The following SLC44A1 variants were observed in gnomAD, a reference collection of about 807,000 sequenced individuals.
SLC44A1 encodes the protein choline transporter-like protein 1.
A neutral mutation model predicts 79.3 loss-of-function variants in SLC44A1; 26 were observed. That is an observed-to-expected ratio of 0.33 (90% CI 0.24 to 0.46). The LOEUF (loss-of-function observed/expected upper bound fraction) is 0.46, where lower values mean the gene tolerates loss of function less well. SLC44A1 is among the 20% of genes least tolerant of loss of function. SLC44A1 has a pLI of 1.00. For synonymous variants in SLC44A1, 263 were observed against 286.2 expected, an observed-to-expected ratio of 0.92 and a Z score of 0.82; for missense variants, 688 against 798.1, an observed-to-expected ratio of 0.86 and a Z score of 1.66.
rs1829382221 is a variant in SLC44A1 at position 105,244,756 on chromosome 9, A to C, written c.-113A>C. 1.0e-5 allele frequency: 5 copies of C among 489,358 alleles called. No homozygotes were observed. The East Asian group carries it at 2.1e-4, about 20-fold the overall frequency. 30.3% of individuals were successfully genotyped at this position (489,358 alleles called of 1,614,324 possible). On this transcript the variant is annotated 5_prime_UTR_variant, in exon 1 of 16. Transcript: ENST00000374720. ...GCCGCTGCAGCCGCCGCCGCCGCCT[A>C]GCCGTGCGGTGCCAGGCCGCGCCCT... is the stretch of plus-strand genomic sequence containing the variant.
intron 4 of SLC44A1, among the ~76,000 whole-genome samples, chr9:105,346,453 TTGTTTTG>T (rs1237184163): frequency 6.6e-6 from 1 of 152,130 alleles, no homozygotes; most frequent in Non-Finnish European, 1.5e-5. Context: ...TTAGGGCCTT[TTGTTTTG>T]TGCAAATCGA....
At chr9:105,404,233 CAAAAAAAAAAAAAA>C (rs71489339) in intron 15 of SLC44A1, among the ~76,000 whole-genome samples, 15 of 44,452 alleles carry the variant, frequency 3.4e-4, no homozygotes, top group African/African-American at 9.2e-4. Flanking sequence ...GGACTCATCT[CAAAAAAAAAAAAAA>C]AAAAAAAAGA....
At chr9:105,266,604 A>G (rs1829967939) in intron 1 of SLC44A1, among the ~76,000 whole-genome samples, 1 of 152,174 alleles carries the variant, frequency 6.6e-6, no homozygotes, top group South Asian at 2.1e-4. Flanking sequence ...TCTTTCTCAA[A>G]TATCAACCAT....
chr9:105,282,904 C>T (rs772476826), intron 1 of SLC44A1, among the ~76,000 whole-genome samples: 7 of 152,060 alleles, frequency 4.6e-5, no homozygotes, highest in East Asian at 1.9e-4. Context: ...GGTTTTGTGA[C>T]GATATATCAT....
At chr9:105,347,599 G>A (rs1827279644) in intron 4 of SLC44A1, among the ~76,000 whole-genome samples, 1 of 151,902 alleles carries the variant, frequency 6.6e-6, no homozygotes. Context: ...AATGTATTAT[G>A]TAAATTTTAC....
At position 105,304,962 on chromosome 9, in the gene SLC44A1, T is replaced by G. The variant is rs1445706155; in HGVS notation, c.127-4762T>G. ...TTCTATCGTTTTTTTTTTTTTTTTT[T>G]TTTTTTTTTTTTTTTTTTTTTTTTC... On this transcript the variant is annotated intron_variant, in intron 2 of 15. Transcript: ENST00000374720. Among the ~76,000 whole-genome samples, 351 of 103,432 alleles carry G rather than the reference T, an allele frequency of 3.4e-3. 5 individuals carry two copies. The highest frequency in any genetic ancestry group is 0.014 in the African/African-American group (324 of 23,458). The allele number at this position is 103,432 out of a possible 152,430, so 67.9% of individuals were successfully genotyped here. A position where few individuals can be genotyped will look rare whatever the true frequency, so the allele number is the denominator to read the frequency against.
chr9:105,353,171 T>G (rs1248627511), intron 5 of SLC44A1, among the ~76,000 whole-genome samples: 5 of 152,144 alleles, frequency 3.3e-5, no homozygotes, highest in African/African-American at 9.7e-5. Flanking sequence ...AGTATCAGGT[T>G]GTTGTTTTTT....
At chr9:105,387,127 GAGGGAGGC>G (rs1428847903) in intron 15 of SLC44A1, among the ~76,000 whole-genome samples, 2 of 143,274 alleles carry the variant, frequency 1.4e-5, no homozygotes, top group African/African-American at 2.6e-5. Context: ...TTTATTTTTG[GAGGGAGGC>G]AGGGAGGCTA....
intron 15 of SLC44A1, among the ~76,000 whole-genome samples, chr9:105,432,930 A>G (rs1458287841): frequency 6.6e-6 from 1 of 152,224 alleles, no homozygotes; most frequent in African/African-American, 2.4e-5. Flanking sequence ...AGAAAAGGCA[A>G]GCCACAGACT....
At position 105,411,221 on chromosome 9, in the gene SLC44A1, A is replaced by T. The variant is rs529794432; in HGVS notation, c.1950+25719A>T. Among the ~76,000 whole-genome samples the T allele has an allele frequency of 1.5e-4, 23 of 152,332 alleles. No individual in the cohort carries two copies. The South Asian group carries it at 4.8e-3, about 32-fold the overall frequency. ...ATTTTACCAGAATAAAAATAAAGAC[A>T]TACAGAAAAGTTAGAAGAATAGTTC... On this transcript the variant is annotated intron_variant, in intron 15 of 15. Coordinates refer to the SLC44A1 transcript ENST00000374724.
chr9:105,260,006 C>G (rs1014185015), intron 1 of SLC44A1, among the ~76,000 whole-genome samples: 1 of 152,118 alleles, frequency 6.6e-6, no homozygotes, highest in African/African-American at 2.4e-5. Flanking sequence ...AAATCAGGCT[C>G]TAAGATATGA....
intron 1 of SLC44A1, among the ~76,000 whole-genome samples, chr9:105,295,545 A>C (rs904912473): frequency 8.5e-5 from 13 of 152,140 alleles, no homozygotes; most frequent in Non-Finnish European, 1.5e-4. Context: ...AAAATTTTCA[A>C]CTCTTCGGTT....
intron 15 of SLC44A1, among the ~76,000 whole-genome samples, chr9:105,402,653 C>T (rs1828972627): frequency 6.8e-6 from 1 of 146,730 alleles, no homozygotes; most frequent in Non-Finnish European, 1.5e-5. Flanking sequence ...CCCCACATAA[C>T]AAAGGCGTGT....
chr9:105,301,842 C>T (rs1830889202), intron 2 of SLC44A1, among the ~76,000 whole-genome samples: 1 of 152,136 alleles, frequency 6.6e-6, no homozygotes, highest in Admixed American at 6.6e-5. Context: ...ATCGAGTGGC[C>T]CAGCTGCCTG....
chr9:105,365,957 A>G (rs1430812210), intron 11 of SLC44A1, among the ~76,000 whole-genome samples: 2 of 151,880 alleles, frequency 1.3e-5, no homozygotes, highest in Non-Finnish European at 2.9e-5. Context: ...CTCAAATTCT[A>G]CTCCTTTGTA....
intron 1 of SLC44A1, among the ~76,000 whole-genome samples, chr9:105,285,778 G>A (rs1321675798): frequency 6.6e-6 from 1 of 152,154 alleles, no homozygotes; most frequent in African/African-American, 2.4e-5. Context: ...TTACAGTGGT[G>A]GAATGTCATC....
intron 1 of SLC44A1, among the ~76,000 whole-genome samples, chr9:105,292,758 G>T (rs542494466): frequency 1.3e-5 from 2 of 152,186 alleles, no homozygotes; most frequent in African/African-American, 4.8e-5. Flanking sequence ...TCATGCTATC[G>T]TAGTACTTGG....
intron 3 of SLC44A1, among the ~76,000 whole-genome samples, chr9:105,312,893 A>C (rs1489960927): frequency 1.3e-5 from 2 of 152,138 alleles, no homozygotes; most frequent in Non-Finnish European, 2.9e-5. Context: ...AGTTGTTTAA[A>C]ATAGGGCTCT....
chr9:105,288,342 T>C (rs1490806137), intron 1 of SLC44A1, among the ~76,000 whole-genome samples: 1 of 152,276 alleles, frequency 6.6e-6, no homozygotes, highest in African/African-American at 2.4e-5. Flanking sequence ...TTTAATGTTT[T>C]TTTTGTTTGT....
Sources: gnomAD v4.1 joint callset for allele counts (sites outside exome capture counted in the v4.1 genomes callset) on GRCh38, gnomAD v4.1.1 for gene constraint, MANE v1.5 for transcripts, NCBI Gene and HGNC (gene_info 2026-07-23, HGNC 2026-07-21) for gene names.